DCHS2: variants seen among roughly 807,000 people sequenced by gnomAD.
The protein encoded by DCHS2 is dachsous cadherin-related 2, also known as protocadherin-23.
In DCHS2, 142 loss-of-function variants were observed where a neutral mutation model predicts 182.4. That is an observed-to-expected ratio of 0.78 (90% CI 0.68 to 0.89). The LOEUF (loss-of-function observed/expected upper bound fraction) is 0.89. Among genes scored for constraint, DCHS2 ranks in the 40% least tolerant of loss-of-function variants. DCHS2 has a pLI of 0.00. For synonymous variants in DCHS2, 1,740 were observed against 1,663.3 expected (o/e 1.05, Z -1.12); for missense variants, 4,319 against 4,198.6 (o/e 1.03, Z -0.79).
intron 3 of DCHS2, among the ~76,000 whole-genome samples, chr4:154,354,143 C>T (rs1473992912): frequency 6.6e-6 from 1 of 152,160 alleles, no homozygotes; most frequent in Non-Finnish European, 1.5e-5. Context: ...CCAGACTGGC[C>T]TCGAATTCCT....
intron 1 of DCHS2, among the ~76,000 whole-genome samples, chr4:154,387,352 A>C (rs1731466479): frequency 6.6e-6 from 1 of 152,196 alleles, no homozygotes; most frequent in African/African-American, 2.4e-5. Flanking sequence ...ATCTAATAAA[A>C]GAATTGGCAG....
At position 154,489,433 on chromosome 4, in the gene DCHS2, G is replaced by A; in HGVS notation, c.1923C>T (p.Pro641=). ...TCACCAGGCAGGTGGCAGAGAGTGG[G>A]GGCTCTCCGAGGTCCTGGGCCACCA... The part of the protein sequence containing the change: ...LKVVAQDLGE[P]PLSATCLVSI... The change falls in exon 1 of 20, where the codon CCC becomes CCT. Residue 641 remains proline (P), a synonymous_variant. Transcript: ENST00000357232. 2 of 1,551,696 alleles carry A rather than the reference G, an allele frequency of 1.3e-6. No homozygotes were observed. The highest frequency in any genetic ancestry group is 1.7e-6 in the Non-Finnish European group (2 of 1,146,992).
chr4:154,350,708 C>T (rs1029035565), intron 3 of DCHS2, among the ~76,000 whole-genome samples: 13 of 151,394 alleles, frequency 8.6e-5, no homozygotes, highest in African/African-American at 3.2e-4. Context: ...CAACACTTAC[C>T]ATCTATTTTT....
intron 1 of DCHS2, among the ~76,000 whole-genome samples, chr4:154,406,397 A>G (rs936474048): frequency 6.6e-6 from 1 of 152,210 alleles, no homozygotes; most frequent in African/African-American, 2.4e-5. Flanking sequence ...CAAAGGTATC[A>G]TTCCTGTTCT....
chr4:154,255,247 G>C (rs1732598755), intron 16 of DCHS2, among the ~76,000 whole-genome samples: 2 of 152,150 alleles, frequency 1.3e-5, no homozygotes, highest in African/African-American at 4.8e-5. Flanking sequence ...CCCCCATTTA[G>C]TGCTTAATAG....
chr4:154,245,145 T>G (rs1292390801), intron 16 of DCHS2, among the ~76,000 whole-genome samples: 2 of 152,018 alleles, frequency 1.3e-5, no homozygotes, highest in African/African-American at 4.8e-5. Flanking sequence ...GAAGAACAAA[T>G]AAAAAAATAT....
At chr4:154,249,852 A>G (rs1434581812) in intron 16 of DCHS2, among the ~76,000 whole-genome samples, 1 of 145,238 alleles carries the variant, frequency 6.9e-6, no homozygotes, top group Non-Finnish European at 1.5e-5. Flanking sequence ...TGGAGCATGC[A>G]TGGACATAAA....
rs1270004959 is a variant in DCHS2, at chr4:154,304,678, G to A, written c.5596C>T (p.His1866Tyr). The A allele has an allele frequency of 1.2e-6, 2 of 1,600,872 alleles. No individual in the cohort carries two copies. The highest frequency in any genetic ancestry group is 2.2e-5 in the East Asian group (1 of 44,532). The change falls in exon 12 of 20, where the codon CAC becomes TAC. Residue 1866 changes from histidine (H) to tyrosine (Y), a missense_variant. Physicochemically the swap from His to Tyr is moderately conservative, Grantham distance 83. Coordinates refer to ENST00000357232, the MANE Select transcript of DCHS2 (RefSeq NM_001358235.2). ...DAGNNRAVEY[H>Y]IIDGNTDECF... ...AAACAAACAAACTTACCAATTATGTGATATTCAACAGCTCTGTTATTGCCA... is the reference window on the plus strand; with the variant it reads ...AAACAAACAAACTTACCAATTATGTAATATTCAACAGCTCTGTTATTGCCA...
intron 1 of DCHS2, among the ~76,000 whole-genome samples, chr4:154,476,365 A>G (rs4696584): frequency 0.73 from 111,644 of 152,116 alleles, 41,598 homozygotes; most frequent in East Asian, 0.85. Flanking sequence ...ACAGACAAAG[A>G]TCATGTTTTT....
chr4:154,248,585 A>T (rs1357220291), intron 16 of DCHS2, among the ~76,000 whole-genome samples: 6 of 152,192 alleles, frequency 3.9e-5, no homozygotes, highest in Non-Finnish European at 8.8e-5. Flanking sequence ...CAAAATCTTT[A>T]ATCTTTATGT....
In DCHS2 at chr4:154,236,166, G is replaced by T. The variant is rs979017766; in HGVS notation, c.8486C>A (p.Pro2829His). The T allele has an allele frequency of 6.2e-7, 1 of 1,613,784 alleles. No homozygotes were observed. The highest frequency in any genetic ancestry group is 8.5e-7 in the Non-Finnish European group (1 of 1,179,956). ...SYDHDLFLID[P>H]LTGDIHAKQI... ...CTTAGCATGAATATCCCCTGTCAAA[G>T]GGTCAATGAGGAAGAGATCATGATC... The change falls in exon 20 of 20, where the codon CCT (proline) becomes CAT (histidine). Residue 2829 changes from proline (P) to histidine (H), a missense_variant. Transcript: ENST00000357232.
At chr4:154,451,916 T>C (rs1734552776) in intron 1 of DCHS2, among the ~76,000 whole-genome samples, 1 of 152,188 alleles carries the variant, frequency 6.6e-6, no homozygotes, top group African/African-American at 2.4e-5. Context: ...TTGAAGATAA[T>C]TGTGTCCCAC....
intron 1 of DCHS2, among the ~76,000 whole-genome samples, chr4:154,392,485 A>G (rs2110851877): frequency 6.6e-6 from 1 of 152,308 alleles, no homozygotes; most frequent in Middle Eastern, 3.4e-3. Flanking sequence ...AGTTCACAAT[A>G]TAACCTTAAG....
intron 1 of DCHS2, among the ~76,000 whole-genome samples, chr4:154,479,057 T>G (rs1257171783): frequency 2.0e-5 from 3 of 152,130 alleles, no homozygotes; most frequent in Non-Finnish European, 4.4e-5. Context: ...GCAGCTATTA[T>G]AGTTATATGA....
chr4:154,282,544 G>A (rs79884756), intron 13 of DCHS2, among the ~76,000 whole-genome samples: 1,952 of 151,788 alleles, frequency 0.013, 44 homozygotes, highest in African/African-American at 0.045. Context: ...CAAGGATGTC[G>A]AGAAATTGGA....
chr4:154,366,923 T>C (rs557098228), intron 2 of DCHS2, among the ~76,000 whole-genome samples: 2 of 152,146 alleles, frequency 1.3e-5, no homozygotes, highest in Non-Finnish European at 2.9e-5. Context: ...AAGAAGAAGG[T>C]GTGAGGGAGC....
rs1728559219 is a variant in DCHS2, at chr4:154,333,089, C to T, written c.3119G>A (p.Ser1040Asn). ...RALGVLFLNG[S>N]LGAGEQRELT... ...CTCCCGCTGCTCGCCCGCGCCCAGG[C>T]TGCCGTTGAGGAACAGCACCCCCAG... Residue 1040 changes from serine to asparagine, a missense_variant, in exon 5 of 20, where the codon AGC becomes AAC. Physicochemically the swap from Ser to Asn is conservative, Grantham distance 46. Transcript: ENST00000357232. The T allele has an allele frequency of 3.1e-6, 5 of 1,614,046 alleles. No homozygotes were observed. Among genetic ancestry groups the T allele is most frequent in the Non-Finnish European group, 4.2e-6 (5 of 1,179,994 alleles).
At chr4:154,481,571 C>T (rs1352171967) in intron 1 of DCHS2, among the ~76,000 whole-genome samples, 2 of 152,116 alleles carry the variant, frequency 1.3e-5, no homozygotes, top group Non-Finnish European at 2.9e-5. Context: ...GTTTCTTTTT[C>T]TCACTCTCTC....
At chr4:154,245,928 T>C (rs1235051204) in intron 16 of DCHS2, among the ~76,000 whole-genome samples, 1 of 152,156 alleles carries the variant, frequency 6.6e-6, no homozygotes. Context: ...TGTAGCTTCA[T>C]CAAAATGCAC....
Sources: allele counts gnomAD v4.1 joint callset (sites outside exome capture counted in the v4.1 genomes callset), GRCh38; gene constraint gnomAD v4.1.1; transcripts MANE v1.5; gene names NCBI Gene and HGNC (gene_info 2026-07-23, HGNC 2026-07-21).